GREB1L: variants seen among roughly 807,000 people sequenced by gnomAD.
GREB1L encodes the protein GREB1-like protein.
Under a neutral mutation model 200.8 loss-of-function variants are expected in GREB1L, and 17 were observed. That is an observed-to-expected ratio of 0.08 (90% CI 0.06 to 0.13). GREB1L has a LOEUF of 0.13. Among genes scored for constraint, GREB1L ranks in the 10% least tolerant of loss-of-function variants. The pLI, the probability that GREB1L is intolerant of heterozygous loss-of-function variation, is 1.00. For missense variants in GREB1L, 1,657 were observed against 2,367.7 expected, an observed-to-expected ratio of 0.70 and a Z score of 6.23; for synonymous variants, 789 against 893.0, an observed-to-expected ratio of 0.88 and a Z score of 2.08.
chr18:21,495,747 A>G lies in GREB1L; in HGVS notation c.3108A>G (p.Ile1036Met), dbSNP rs3764503. 2 of 1,544,780 alleles carry G rather than the reference A, an allele frequency of 1.3e-6. No homozygotes were observed. The highest frequency in any genetic ancestry group is 4.9e-5 in the East Asian group (2 of 40,806). Residue 1036 changes from isoleucine (I) to methionine (M), a missense_variant, in exon 20 of 33, where the codon ATA becomes ATG. Transcript: ENST00000424526. ...QDLDGLPCIV[I>M]LTGKDPLGET... is the part of the protein sequence containing the mutation. Reference sequence around the variant, plus strand: ...TAGACGGTCTACCTTGTATTGTGATATTAACTGGCAAAGATCCTCTTGGAG... The same window carrying G: ...TAGACGGTCTACCTTGTATTGTGATGTTAACTGGCAAAGATCCTCTTGGAG...
chr18:21,339,668 G>C (rs1278852075), intron 1 of GREB1L, among the ~76,000 whole-genome samples: 3 of 152,210 alleles, frequency 2.0e-5, no homozygotes, highest in Non-Finnish European at 4.4e-5. Flanking sequence ...GTGAAGCAAA[G>C]TGTTCAAAGC....
rs926238598 is a variant in GREB1L, at chr18:21,352,919, C to T, written c.-119-13108C>T. ...CATATAGTCTGAGCACGATGGCTCACGCCTGTAATCCCAGCACTTTGGGAG... is the reference window on the plus strand; with the variant it reads ...CATATAGTCTGAGCACGATGGCTCATGCCTGTAATCCCAGCACTTTGGGAG... On this transcript the variant is annotated intron_variant, in intron 1 of 32. Transcript: ENST00000424526. Among the ~76,000 whole-genome samples the T allele has an allele frequency of 2.8e-4, 43 of 151,948 alleles. 1 individual carries two copies. Among genetic ancestry groups the T allele is most frequent in the African/African-American group, 2.4e-5 (1 of 41,376 alleles).
At chr18:21,510,898 A>T (rs1328373571) in intron 27 of GREB1L, among the ~76,000 whole-genome samples, 2 of 151,956 alleles carry the variant, frequency 1.3e-5, no homozygotes, top group Non-Finnish European at 2.9e-5. Flanking sequence ...CATTCCCCTA[A>T]TGATTAGTAA....
chr18:21,311,948 C>T (rs2038797942), intron 1 of GREB1L, among the ~76,000 whole-genome samples: 1 of 151,964 alleles, frequency 6.6e-6, no homozygotes, highest in Non-Finnish European at 1.5e-5. Context: ...GCCTAGTACC[C>T]AATAGATATT....
chr18:21,356,744 T>G (rs1229887356), intron 1 of GREB1L, among the ~76,000 whole-genome samples: 1 of 152,208 alleles, frequency 6.6e-6, no homozygotes, highest in Non-Finnish European at 1.5e-5. Flanking sequence ...TTGAGAAACC[T>G]CCATACTGTT....
intron 1 of GREB1L, among the ~76,000 whole-genome samples, chr18:21,268,558 C>CATATATATATATATAT (rs1244082888): frequency 1.2e-5 from 1 of 86,670 alleles, no homozygotes; most frequent in African/African-American, 6.4e-5. Context: ...CACACACACA[C>CATATATATATATATAT]ACATATATAT....
chr18:21,519,544 T>C (rs1255101054), intron 31 of GREB1L, among the ~76,000 whole-genome samples: 1 of 152,178 alleles, frequency 6.6e-6, no homozygotes, highest in African/African-American at 2.4e-5. Flanking sequence ...TGTATGTAAT[T>C]TACATGTCTG....
At chr18:21,320,300 G>T (rs1168094241) in intron 1 of GREB1L, among the ~76,000 whole-genome samples, 1 of 152,042 alleles carries the variant, frequency 6.6e-6, no homozygotes, top group Non-Finnish European at 1.5e-5. Context: ...TATAGAAATT[G>T]TCACCAAATA....
At chr18:21,396,370 C>T (rs1357104842) in intron 5 of GREB1L, among the ~76,000 whole-genome samples, 8 of 152,140 alleles carry the variant, frequency 5.3e-5, no homozygotes, top group African/African-American at 1.9e-4. Context: ...ATTCTCAAAA[C>T]ACTTAGCTTA....
chr18:21,267,677 A>G (rs2037993413), intron 1 of GREB1L, among the ~76,000 whole-genome samples: 1 of 151,924 alleles, frequency 6.6e-6, no homozygotes, highest in Non-Finnish European at 1.5e-5. Flanking sequence ...TTGCCTTATG[A>G]CCCCATCCAA....
At chr18:21,504,946 T>C (rs563674363) in intron 23 of GREB1L, among the ~76,000 whole-genome samples, 1 of 152,240 alleles carries the variant, frequency 6.6e-6, no homozygotes. Flanking sequence ...AGTCAGACAT[T>C]CTGACTGAAC....
chr18:21,275,335 G>A (rs2038144624), intron 1 of GREB1L, among the ~76,000 whole-genome samples: 1 of 152,090 alleles, frequency 6.6e-6, no homozygotes, highest in Non-Finnish European at 1.5e-5. Flanking sequence ...TAAATAAGTG[G>A]GGGAAAATAT....
At chr18:21,289,536 A>AT (rs1298894275) in intron 1 of GREB1L, among the ~76,000 whole-genome samples, 1 of 151,414 alleles carries the variant, frequency 6.6e-6, no homozygotes, top group African/African-American at 2.4e-5. Flanking sequence ...CAGTGAGACC[A>AT]TCCCCCCCCG....
chr18:21,484,824 AAAAAT>A (rs760607099), intron 17 of GREB1L, among the ~76,000 whole-genome samples: 14 of 152,344 alleles, frequency 9.2e-5, no homozygotes, highest in Admixed American at 3.9e-4. Context: ...ACTTGGTCTC[AAAAAT>A]AAAATAAAAT....
At chr18:21,249,467 GCT>G (rs2037663626) in intron 1 of GREB1L, among the ~76,000 whole-genome samples, 1 of 152,160 alleles carries the variant, frequency 6.6e-6, no homozygotes, top group Admixed American at 6.6e-5. Flanking sequence ...TCACTGAATT[GCT>G]CAAGCTTCAG....
chr18:21,487,630 T>C (rs1418216405), intron 18 of GREB1L, among the ~76,000 whole-genome samples: 1 of 152,158 alleles, frequency 6.6e-6, no homozygotes, highest in African/African-American at 2.4e-5. Context: ...AGAGCTAGCT[T>C]TGTCTCTGAT....
Position 21,508,522 on chromosome 18 carries a change from C to G in GREB1L, c.4666C>G (p.Leu1556Val). 2 of 1,551,842 alleles carry G rather than the reference C, an allele frequency of 1.3e-6. No individual in the cohort carries two copies. The highest frequency in any genetic ancestry group is 1.2e-5 in the South Asian group (1 of 84,054). ...GGTGGTCAAAGAGTATGAGATGCCT[C>G]TGTACCGCAAGTACTGGCCCAACCA... ...LLVVKEYEMP[L>V]YRKYWPNHIM... Residue 1556 changes from leucine to valine, a missense_variant, in exon 27 of 33, where the codon CTG (leucine) becomes GTG (valine). This residue lies in a region of GREB1L where 151 missense variants were observed against 309.6 expected (regional missense o/e 0.49). Coordinates refer to ENST00000424526, the MANE Select transcript of GREB1L (RefSeq NM_001142966.3).
chr18:21,444,294 C>G lies in GREB1L; in HGVS notation c.1278C>G (p.Cys426Trp), dbSNP rs200509926. The G allele has an allele frequency of 3.7e-4, 567 of 1,551,346 alleles. No homozygotes were observed. Among genetic ancestry groups the G allele is most frequent in the Non-Finnish European group, 4.7e-4 (543 of 1,146,536 alleles). The change falls in exon 11 of 33, where the codon TGC (cysteine) becomes TGG (tryptophan). Residue 426 changes from cysteine to tryptophan, a missense_variant. Cys to Trp is a radical substitution (Grantham distance 215). This residue lies in a region of GREB1L where 289 missense variants were observed against 345.1 expected (regional missense o/e 0.84). Coordinates refer to ENST00000424526, the MANE Select transcript of GREB1L (RefSeq NM_001142966.3). ...DIVVSPLLVN[C>W]YKIPQLENKD... is the part of the protein sequence containing the mutation. ...TTGTGAGTCCTCTGCTGGTGAATTG[C>G]TACAAGATTCCACAGTTGGAAAACA...
intron 4 of GREB1L, among the ~76,000 whole-genome samples, chr18:21,395,112 AAAAAAAAAAAG>A (rs1435555509): frequency 1.2e-4 from 18 of 150,800 alleles, no homozygotes; most frequent in East Asian, 1.9e-4. Context: ...TCTCAAAAAA[AAAAAAAAAAAG>A]AAAAAAAAAA....
Sources: gnomAD v4.1 joint callset for allele counts (sites outside exome capture counted in the v4.1 genomes callset) on GRCh38, gnomAD v4.1.1 for gene constraint, gnomAD v4.1.1 regional missense constraint, MANE v1.5 for transcripts, NCBI Gene and HGNC (gene_info 2026-07-23, HGNC 2026-07-21) for gene names.